The following ADGRL2 variants were observed in gnomAD, a reference collection of about 807,000 sequenced individuals.
ADGRL2 encodes calcium-independent alpha-latrotoxin receptor 2.
In ADGRL2, 44 loss-of-function variants were observed where a neutral mutation model predicts 157.4. That is an observed-to-expected ratio of 0.28 (90% confidence interval 0.22 to 0.36). The LOEUF (loss-of-function observed/expected upper bound fraction) is 0.36, where lower values mean the gene tolerates loss of function less well. Ranked by LOEUF, ADGRL2 falls within the 10% of genes least tolerant of loss-of-function variation. ADGRL2 has a pLI of 1.00. For synonymous variants in ADGRL2, 585 were observed against 624.7 expected (o/e 0.94, Z 0.95); for missense variants, 1,510 against 1,768.9 (o/e 0.85, Z 2.63).
At chr1:81,495,269 C>T (rs982256841) in intron 2 of ADGRL2, among the ~76,000 whole-genome samples, 51 of 152,178 alleles carry the variant, frequency 3.4e-4, no homozygotes, top group Admixed American at 1.0e-3. Context: ...TTGCAAAAGG[C>T]GCTCATCTCC....
In ADGRL2 at chr1:81,458,859, C is replaced by T. The variant is rs143667139; in HGVS notation, c.-248+13770C>T. ...CAGCTCAGTGAACAGGGACGTGTTACAGTTCATTCGTTCCCACTGCCCACA... is the reference window on the plus strand; with the variant it reads ...CAGCTCAGTGAACAGGGACGTGTTATAGTTCATTCGTTCCCACTGCCCACA... On this transcript the variant is annotated intron_variant, in intron 2 of 24. Coordinates refer to the ADGRL2 transcript ENST00000370721. Among the ~76,000 whole-genome samples the T allele has an allele frequency of 1.0e-3, 155 of 152,288 alleles. 1 individual carries two copies. Among genetic ancestry groups the T allele is most frequent in the African/African-American group, 3.7e-3 (152 of 41,578 alleles).
intron 1 of ADGRL2, among the ~76,000 whole-genome samples, chr1:81,721,136 T>C (rs534690208): frequency 1.4e-4 from 21 of 151,622 alleles, no homozygotes; most frequent in South Asian, 8.3e-4. Context: ...CCTCCCAAAG[T>C]GCTGGGATTA....
At chr1:81,800,056 A>G (rs943898117), upstream of ADGRL2, among the ~76,000 whole-genome samples, 1 of 152,008 alleles carries the variant, frequency 6.6e-6, no homozygotes, top group Non-Finnish European at 1.5e-5. Flanking sequence ...AGGGGCAAGG[A>G]AGTGTGTTCA....
intron 3 of ADGRL2, among the ~76,000 whole-genome samples, chr1:81,674,290 T>A (rs774870205): frequency 6.6e-6 from 1 of 152,170 alleles, no homozygotes; most frequent in Non-Finnish European, 1.5e-5. Context: ...AATTCTCTAA[T>A]CTGAAACTAT....
chr1:81,378,908 A>T (rs1477382407), intron 1 of ADGRL2, among the ~76,000 whole-genome samples: 2 of 152,174 alleles, frequency 1.3e-5, no homozygotes, highest in Non-Finnish European at 2.9e-5. Context: ...CTTCCTTTCA[A>T]GAGATGTTAT....
chr1:81,501,362 T>C (rs533403605), intron 2 of ADGRL2, among the ~76,000 whole-genome samples: 1 of 152,328 alleles, frequency 6.6e-6, no homozygotes, highest in South Asian at 2.1e-4. Flanking sequence ...ATTTCTGCTA[T>C]GTGATTTTAC....
chr1:81,503,569 A>G (rs540421074), intron 2 of ADGRL2: 1 of 1,371,034 alleles, frequency 7.3e-7, no homozygotes, highest in Admixed American at 1.9e-5. Context: ...GTCGACGAGC[A>G]CCATTTGGCC....
At chr1:81,597,956 G>T (rs1003466345) in intron 3 of ADGRL2, among the ~76,000 whole-genome samples, 1 of 152,150 alleles carries the variant, frequency 6.6e-6, no homozygotes, top group Non-Finnish European at 1.5e-5. Context: ...GGTACACAAT[G>T]CTGCCCAGTG....
chr1:81,371,749 C>A (rs112508766), intron 1 of ADGRL2, among the ~76,000 whole-genome samples: 2 of 152,098 alleles, frequency 1.3e-5, no homozygotes, highest in African/African-American at 4.8e-5. Context: ...AAAAATTATG[C>A]ACTTCATCAT....
intron 3 of ADGRL2, among the ~76,000 whole-genome samples, chr1:81,680,592 A>C (rs1273840180): frequency 6.6e-6 from 1 of 152,036 alleles, no homozygotes; most frequent in Non-Finnish European, 1.5e-5. Flanking sequence ...CAGATGGGGT[A>C]ATGAAAGGCA....
At chr1:81,780,600 T>C (rs780551942) in intron 2 of ADGRL2, among the ~76,000 whole-genome samples, 1 of 152,210 alleles carries the variant, frequency 6.6e-6, no homozygotes, top group African/African-American at 2.4e-5. Context: ...ATATGTTATC[T>C]TCCGTTAATA....
chr1:81,310,271 G>T (rs1659656174), intron 1 of ADGRL2, among the ~76,000 whole-genome samples: 1 of 152,094 alleles, frequency 6.6e-6, no homozygotes, highest in African/African-American at 2.4e-5. Context: ...AGCATTTGTG[G>T]CCTTATTTCT....
chr1:81,380,591 A>G, intron 1 of ADGRL2, among the ~76,000 whole-genome samples: 1 of 152,142 alleles, frequency 6.6e-6, no homozygotes, highest in East Asian at 1.9e-4. Context: ...CAAATTGCTA[A>G]CCATTTATCC....
At chr1:81,939,382 G>C (rs1240354208) in intron 4 of ADGRL2, among the ~76,000 whole-genome samples, 1 of 151,450 alleles carries the variant, frequency 6.6e-6, no homozygotes, top group African/African-American at 2.4e-5. Context: ...AATCAGATTG[G>C]AATTTTGCAT....
At chr1:81,880,620 G>T (rs566367825) in intron 2 of ADGRL2, among the ~76,000 whole-genome samples, 1 of 152,192 alleles carries the variant, frequency 6.6e-6, no homozygotes, top group South Asian at 2.1e-4. Context: ...GCTTGATGGG[G>T]CTGGGTTTTC....
At chr1:81,967,022 C>T (rs117102908) in intron 13 of ADGRL2, among the ~76,000 whole-genome samples, 1 of 152,118 alleles carries the variant, frequency 6.6e-6, no homozygotes, top group African/African-American at 2.4e-5. Context: ...TTTGACACAG[C>T]TGTTACCAAG....
At chr1:81,706,648 G>A (rs1184562451) in intron 1 of ADGRL2, among the ~76,000 whole-genome samples, 2 of 152,138 alleles carry the variant, frequency 1.3e-5, no homozygotes, top group African/African-American at 4.8e-5. Flanking sequence ...CAAACTTTTA[G>A]ATCACATACA....
At chr1:81,540,854 A>C (rs1186137999) in intron 2 of ADGRL2, among the ~76,000 whole-genome samples, 1 of 152,182 alleles carries the variant, frequency 6.6e-6, no homozygotes, top group Non-Finnish European at 1.5e-5. Context: ...AAGAGAAAGC[A>C]GAGAGACCAA....
intron 2 of ADGRL2, among the ~76,000 whole-genome samples, chr1:81,500,844 A>C (rs2078830494): frequency 6.6e-6 from 1 of 152,194 alleles, no homozygotes; most frequent in Admixed American, 6.5e-5. Context: ...ATATTTTCCC[A>C]AAATAAAAAA....
Sources: gnomAD v4.1 joint callset for allele counts (sites outside exome capture counted in the v4.1 genomes callset) on GRCh38, gnomAD v4.1.1 for gene constraint, MANE v1.5 for transcripts, NCBI Gene and HGNC (gene_info 2026-07-23, HGNC 2026-07-21) for gene names.